Variants in KHDRBS2 observed in about 807,000 individuals in gnomAD.
KHDRBS2 encodes KH domain-containing, RNA-binding, signal transduction-associated protein 2.
A neutral mutation model predicts 44.3 loss-of-function variants in KHDRBS2; 26 were observed. That is an observed-to-expected ratio of 0.59 (90% CI 0.43 to 0.81). KHDRBS2 has a LOEUF of 0.81. Among genes scored for constraint, KHDRBS2 ranks in the 40% least tolerant of loss-of-function variants. KHDRBS2 has a pLI of 0.00. For synonymous variants in KHDRBS2, 194 were observed against 151.1 expected (o/e 1.28, Z -2.08); for missense variants, 476 against 433.1 (o/e 1.10, Z -0.88).
At chr6:62,017,971 T>A (rs1781516801) in intron 3 of KHDRBS2, among the ~76,000 whole-genome samples, 1 of 151,888 alleles carries the variant, frequency 6.6e-6, no homozygotes, top group Non-Finnish European at 1.5e-5. Context: ...CGAAGACACA[T>A]GATTCCATTA....
At chr6:61,608,361 T>G in the KHDRBS2 span, among the ~76,000 whole-genome samples, 1 of 151,704 alleles carries the variant, frequency 6.6e-6, no homozygotes, top group Admixed American at 6.6e-5. Flanking sequence ...TGTACACCTG[T>G]AAAGGGAGAA....
chr6:62,140,618 C>T (rs536818222), intron 2 of KHDRBS2, among the ~76,000 whole-genome samples: 1 of 152,142 alleles, frequency 6.6e-6, no homozygotes, highest in Non-Finnish European at 1.5e-5. Context: ...CACATATTAC[C>T]ATCCACACTT....
At chr6:61,556,678 C>G in the KHDRBS2 span, among the ~76,000 whole-genome samples, 1 of 151,954 alleles carries the variant, frequency 6.6e-6, no homozygotes, top group Non-Finnish European at 1.5e-5. Flanking sequence ...AAAAAAGAAC[C>G]TAATTCAGCT....
intron 2 of KHDRBS2, among the ~76,000 whole-genome samples, chr6:62,152,569 C>T (rs1449072782): frequency 6.6e-6 from 1 of 152,186 alleles, no homozygotes; most frequent in Non-Finnish European, 1.5e-5. Flanking sequence ...GTGTGATATA[C>T]ACTACTCATC....
chr6:61,817,691 C>A (rs886941849), intron 6 of KHDRBS2, among the ~76,000 whole-genome samples: 5 of 152,028 alleles, frequency 3.3e-5, no homozygotes, highest in Non-Finnish European at 5.9e-5. Flanking sequence ...CAACTTAAAG[C>A]TGTGGTTTTG....
At chr6:61,772,965 T>G (rs1042273245) in intron 6 of KHDRBS2, among the ~76,000 whole-genome samples, 2 of 152,220 alleles carry the variant, frequency 1.3e-5, no homozygotes, top group Non-Finnish European at 2.9e-5. Flanking sequence ...ACAAAGGACC[T>G]GAACTCATCA....
chr6:61,625,517 C>T, the KHDRBS2 span, among the ~76,000 whole-genome samples: 1 of 151,874 alleles, frequency 6.6e-6, no homozygotes, highest in South Asian at 2.1e-4. Context: ...TCATGCTCTT[C>T]CTGGGCTGTC....
intron 7 of KHDRBS2, among the ~76,000 whole-genome samples, chr6:61,697,952 T>C (rs1229024268): frequency 6.6e-6 from 1 of 152,136 alleles, no homozygotes; most frequent in East Asian, 1.9e-4. Context: ...TAAAAAGCTC[T>C]GCCTCATCCA....
intron 3 of KHDRBS2, among the ~76,000 whole-genome samples, chr6:62,046,265 C>A (rs1409162173): frequency 6.6e-6 from 1 of 151,818 alleles, no homozygotes; most frequent in Non-Finnish European, 1.5e-5. Flanking sequence ...TAGTTTAAAA[C>A]TTTATGAACA....
intron 2 of KHDRBS2, among the ~76,000 whole-genome samples, chr6:62,058,413 G>A (rs1194300319): frequency 6.6e-6 from 1 of 151,910 alleles, no homozygotes; most frequent in Non-Finnish European, 1.5e-5. Flanking sequence ...ATTTGGGGAT[G>A]AATCTCCTTT....
chr6:62,216,230 A>G (rs772917122), intron 1 of KHDRBS2, among the ~76,000 whole-genome samples: 9 of 151,766 alleles, frequency 5.9e-5, no homozygotes, highest in Non-Finnish European at 1.2e-4. Flanking sequence ...GATTAGAATC[A>G]CTGTATGAAA....
chr6:62,116,879 C>A (rs190403132), intron 2 of KHDRBS2, among the ~76,000 whole-genome samples: 1 of 152,180 alleles, frequency 6.6e-6, no homozygotes, highest in African/African-American at 2.4e-5. Flanking sequence ...TCTTTCCATG[C>A]CTGGCTTTTT....
the KHDRBS2 span, among the ~76,000 whole-genome samples, chr6:61,640,368 T>C: frequency 6.6e-6 from 1 of 152,068 alleles, no homozygotes; most frequent in Non-Finnish European, 1.5e-5. Context: ...ATTCATATTG[T>C]AGGAAAGTAA....
intron 2 of KHDRBS2, among the ~76,000 whole-genome samples, chr6:62,119,416 G>A (rs1184604173): frequency 6.6e-6 from 1 of 152,120 alleles, no homozygotes. Context: ...CACAAACTAA[G>A]CCTCACATCT....
intron 3 of KHDRBS2, among the ~76,000 whole-genome samples, chr6:62,007,890 C>T (rs1371401927): frequency 6.6e-6 from 1 of 152,076 alleles, no homozygotes. Flanking sequence ...TTGTGCATCT[C>T]TACTGTAAAA....
chr6:62,160,787 C>G (rs997056227), intron 2 of KHDRBS2, among the ~76,000 whole-genome samples: 4 of 151,988 alleles, frequency 2.6e-5, no homozygotes, highest in African/African-American at 9.7e-5. Context: ...AACAAGAGTT[C>G]TTTGTTCCAA....
chr6:62,164,456 A>G (rs1818267482), intron 2 of KHDRBS2, among the ~76,000 whole-genome samples: 1 of 151,890 alleles, frequency 6.6e-6, no homozygotes, highest in Non-Finnish European at 1.5e-5. Flanking sequence ...TATTTTTAAA[A>G]TGTCTTTATC....
chr6:61,621,557 G>T, the KHDRBS2 span, among the ~76,000 whole-genome samples: 1 of 152,116 alleles, frequency 6.6e-6, no homozygotes, highest in African/African-American at 2.4e-5. Context: ...GCCAAATGAG[G>T]TCTGTTCCAA....
chr6:62,240,882 G>A (rs1182171121), intron 1 of KHDRBS2, among the ~76,000 whole-genome samples: 6 of 151,188 alleles, frequency 4.0e-5, no homozygotes. Flanking sequence ...TCTCACAACT[G>A]TTGACCTCTA....
Sources: gnomAD v4.1 joint callset for allele counts (sites outside exome capture counted in the v4.1 genomes callset) on GRCh38, gnomAD v4.1.1 for gene constraint, MANE v1.5 for transcripts, NCBI Gene and HGNC (gene_info 2026-07-23, HGNC 2026-07-21) for gene names.